PHIP: variants seen among roughly 807,000 people sequenced by gnomAD.
PHIP encodes the protein PHIP subunit of CUL4-Ring ligase complex.
Under a neutral mutation model 236.8 loss-of-function variants are expected in PHIP, and 54 were observed. The observed-to-expected ratio is 0.23, with a 90% CI of 0.18 to 0.29. PHIP has a LOEUF of 0.29. Ranked by LOEUF, PHIP falls within the 10% of genes least tolerant of loss-of-function variation. The pLI, the probability that PHIP is intolerant of heterozygous loss-of-function variation, is 1.00. For missense variants in PHIP, 1,370 were observed against 2,190.8 expected, an observed-to-expected ratio of 0.63 and a Z score of 7.48; for synonymous variants, 756 against 718.9, an observed-to-expected ratio of 1.05 and a Z score of -0.83.
At chr6:79,038,456 T>C (rs1772052565) in intron 7 of PHIP, among the ~76,000 whole-genome samples, 1 of 152,206 alleles carries the variant, frequency 6.6e-6, no homozygotes, top group Admixed American at 6.5e-5. Flanking sequence ...TTTCAACATA[T>C]TAATTTTGAG....
Position 78,988,366 on chromosome 6 carries a change from T to C in PHIP, c.2320-17A>G. The C allele has an allele frequency of 6.5e-7, 1 of 1,547,684 alleles. No homozygotes were observed. On this transcript the variant is annotated splice_polypyrimidine_tract_variant and intron_variant, in intron 20 of 39. Transcript: ENST00000275034. The stretch of plus-strand genomic sequence containing the variant: ...AGCATGATTCTAGAAAAAAATAAAT[T>C]AAATTTATTCACAGATTGTTTAAAG...
At chr6:79,076,075 T>A (rs1582332579) in intron 4 of PHIP, among the ~76,000 whole-genome samples, 1 of 152,204 alleles carries the variant, frequency 6.6e-6, no homozygotes, top group African/African-American at 2.4e-5. Context: ...TGAAAATGAA[T>A]ACACTAATAC....
At position 79,058,884 on chromosome 6, in the gene PHIP, C is replaced by T. The variant is rs147427715; in HGVS notation, c.439+1594G>A. On this transcript the variant is annotated intron_variant, in intron 6 of 39. Transcript: ENST00000275034. Reference sequence around the variant, plus strand: ...TTTTCAAAGACAGGATAAACTTTTCCTAAATGGGAAAACTCCTATAATATT... The same window carrying T: ...TTTTCAAAGACAGGATAAACTTTTCTTAAATGGGAAAACTCCTATAATATT... 3.1e-3 allele frequency among the ~76,000 whole-genome samples: 479 copies of T among 152,072 alleles called. 3 individuals are homozygous for T. The highest frequency in any genetic ancestry group is 0.011 in the African/African-American group (453 of 41,514).
chr6:79,075,644 A>C (rs1440933474), intron 4 of PHIP, among the ~76,000 whole-genome samples: 3 of 150,826 alleles, frequency 2.0e-5, no homozygotes, highest in Non-Finnish European at 3.0e-5. Context: ...GAAAAAAAAA[A>C]CAAAAAAACA....
Position 78,961,674 on chromosome 6 carries a change from A to G in PHIP, c.3656+16T>C, listed in dbSNP as rs1344629483. On this transcript the variant is annotated intron_variant, in intron 31 of 39. Coordinates refer to ENST00000275034, the MANE Select transcript of PHIP (RefSeq NM_017934.7). ...CCAGCTTTCCTTTGATAGTAGCTAC[A>G]TCAAATGGTTCTAACCTGTAAAACC... 6.2e-7 allele frequency: 1 copy of G among 1,608,938 alleles called. No individual in the cohort carries two copies. Among genetic ancestry groups the G allele is most frequent in the African/African-American group, 1.3e-5 (1 of 74,764 alleles).
chr6:79,045,232 AG>A (rs1274011925), intron 6 of PHIP, among the ~76,000 whole-genome samples: 2 of 152,156 alleles, frequency 1.3e-5, no homozygotes, highest in African/African-American at 4.8e-5. Context: ...GTAGATTCCC[AG>A]GTAATAAGGT....
chr6:79,074,441 A>G (rs1340390817), intron 4 of PHIP, among the ~76,000 whole-genome samples: 1 of 152,102 alleles, frequency 6.6e-6, no homozygotes, highest in African/African-American at 2.4e-5. Context: ...TAAACAAATG[A>G]CAAAGCTTTC....
At chr6:78,974,314 T>G (rs1214844234) in intron 24 of PHIP, among the ~76,000 whole-genome samples, 1 of 151,802 alleles carries the variant, frequency 6.6e-6, no homozygotes, top group Non-Finnish European at 1.5e-5. Flanking sequence ...AATAAAGATG[T>G]TCTTTGAAAC....
chr6:78,975,774 A>G lies in PHIP; in HGVS notation c.2889+2818T>C, dbSNP rs1041019362. On this transcript the variant is annotated intron_variant, in intron 24 of 39. Transcript: ENST00000275034. Reference sequence around the variant, plus strand: ...AATCATGAGTGAACTCCCATTCACAATTGCTTCAAAGAGAATAAAATACCT... The same window carrying G: ...AATCATGAGTGAACTCCCATTCACAGTTGCTTCAAAGAGAATAAAATACCT... Among the ~76,000 whole-genome samples, 194 of 151,990 alleles carry G rather than the reference A, an allele frequency of 1.3e-3. 1 individual carries two copies. The South Asian group carries it at 0.021, about 16-fold the overall frequency.
intron 39 of PHIP, among the ~76,000 whole-genome samples, chr6:78,943,989 TTAAAAA>T (rs1395413914): frequency 8.5e-5 from 4 of 46,822 alleles, no homozygotes; most frequent in Non-Finnish European, 1.2e-4. Context: ...CTGTCTTTTT[TTAAAAA>T]AAAAAAAAAA....
At chr6:79,005,781 C>A (rs944677228) in intron 15 of PHIP, among the ~76,000 whole-genome samples, 1 of 152,002 alleles carries the variant, frequency 6.6e-6, no homozygotes, top group Non-Finnish European at 1.5e-5. Context: ...TGGTATCCTT[C>A]ATGTGTTGTT....
chr6:79,062,918 C>T (rs1773448846), intron 4 of PHIP, among the ~76,000 whole-genome samples: 1 of 152,212 alleles, frequency 6.6e-6, no homozygotes, highest in East Asian at 1.9e-4. Flanking sequence ...TTTACACCAC[C>T]TGTGCCCCTT....
At chr6:78,948,683 C>T (rs191199070) in intron 35 of PHIP, among the ~76,000 whole-genome samples, 3 of 152,120 alleles carry the variant, frequency 2.0e-5, no homozygotes, top group African/African-American at 4.8e-5. Flanking sequence ...TTTGTAGAGA[C>T]GGGTCTTAGC....
In PHIP at chr6:78,940,559, T is replaced by TTTTG. The variant is rs1773446289; in HGVS notation, c.*133_*134insCAAA. 5.5e-6 allele frequency: 1 copy of TTTTG among 180,458 alleles called. No homozygotes were observed. The highest frequency in any genetic ancestry group is 2.5e-5 in the African/African-American group (1 of 39,756). 11.2% of individuals were successfully genotyped at this position (180,458 alleles called of 1,614,324 possible). ...TGTCTCGTAAGTTTGTTTTTTTTTT[T>TTTTG]TTTTTTTTTTTTGCAAATCAAATCA... is the stretch of plus-strand genomic sequence containing the variant. On this transcript the variant is annotated 3_prime_UTR_variant, in exon 40 of 40. Coordinates refer to ENST00000275034, the MANE Select transcript of PHIP (RefSeq NM_017934.7).
intron 2 of PHIP, 53 bp downstream of exon 2, chr6:79,077,802 C>T (rs1774259540): frequency 1.9e-6 from 2 of 1,080,546 alleles, no homozygotes; most frequent in Non-Finnish European, 2.2e-6. Context: ...CCTCCCTCCC[C>T]CACGCCCGCG....
At chr6:79,066,707 A>G (rs549201156) in intron 4 of PHIP, among the ~76,000 whole-genome samples, 1 of 152,364 alleles carries the variant, frequency 6.6e-6, no homozygotes, top group Non-Finnish European at 1.5e-5. Context: ...TCTAAGGGTA[A>G]AAGTAGAAGA....
At chr6:78,973,557 T>G (rs9341757) in intron 24 of PHIP, among the ~76,000 whole-genome samples, 1,004 of 2,286 alleles carry the variant, frequency 0.44, 452 homozygotes, top group East Asian at 1. Flanking sequence ...TGGACTAAAT[T>G]CTCCAATTAA....
At chr6:78,957,419 C>T (rs1766494505) in intron 32 of PHIP, 1 of 151,730 alleles carries the variant, frequency 6.6e-6, no homozygotes, top group Non-Finnish European at 1.5e-5. Flanking sequence ...CAATAGATTT[C>T]TTAGAGAATA....
intron 21 of PHIP, among the ~76,000 whole-genome samples, chr6:78,987,112 C>T (rs1319394540): frequency 2.0e-5 from 3 of 152,056 alleles, no homozygotes; most frequent in African/African-American, 4.8e-5. Flanking sequence ...GATGTTAAAG[C>T]ATAAATAAAT....
Sources: allele counts gnomAD v4.1 joint callset (sites outside exome capture counted in the v4.1 genomes callset), GRCh38; gene constraint gnomAD v4.1.1; transcripts MANE v1.5; gene names NCBI Gene and HGNC (gene_info 2026-07-23, HGNC 2026-07-21).